Variants in KIAA0825 observed in about 807,000 individuals in gnomAD.
KIAA0825 encodes KIAA0825.
A neutral mutation model predicts 147.6 loss-of-function variants in KIAA0825; 119 were observed. That is an observed-to-expected ratio of 0.81 (90% CI 0.69 to 0.94). The LOEUF is 0.94. Among genes scored for constraint, KIAA0825 ranks in the 40% least tolerant of loss-of-function variants. The probability of loss-of-function intolerance (pLI) is 0.00; values close to 1 mark genes in which losing one functional copy is unlikely to be tolerated. For synonymous variants in KIAA0825, 470 were observed against 518.1 expected, an observed-to-expected ratio of 0.91 and a Z score of 1.26; for missense variants, 1,381 against 1,472.7, an observed-to-expected ratio of 0.94 and a Z score of 1.02.
rs1182108501 is a variant in KIAA0825 at position 94,396,451 on chromosome 5, C to G, written c.2946G>C (p.Val982=). 7.1e-6 allele frequency: 11 copies of G among 1,540,000 alleles called. No homozygotes were observed. In the Admixed American group the frequency reaches 1.6e-4, roughly 23 times the overall value. Residue 982 remains valine (V), a synonymous_variant, in exon 17 of 21, where the codon GTG becomes GTC. Coordinates refer to ENST00000682413, the MANE Select transcript of KIAA0825 (RefSeq NM_001145678.3). The part of the protein sequence containing the change: ...VSIVISKLPT[V]IACLPPPVKY... ...TAACTGGGGGAGGCAAACATGCAAT[C>G]ACCGTAGGTAACTTGCTGATTACAA...
intron 20 of KIAA0825, among the ~76,000 whole-genome samples, chr5:94,206,491 T>C (rs1165774940): frequency 6.6e-6 from 1 of 152,194 alleles, no homozygotes; most frequent in Non-Finnish European, 1.5e-5. Context: ...TTGATTTCTT[T>C]TTGCTGATAC....
At chr5:94,494,281 T>C (rs1433640519) in intron 5 of KIAA0825, among the ~76,000 whole-genome samples, 2 of 151,504 alleles carry the variant, frequency 1.3e-5, no homozygotes, top group Non-Finnish European at 2.9e-5. Context: ...TTCCCAAGGG[T>C]ATAATACTCT....
intron 4 of KIAA0825, among the ~76,000 whole-genome samples, chr5:94,521,222 T>C (rs1156410730): frequency 6.6e-6 from 1 of 151,836 alleles, no homozygotes; most frequent in Non-Finnish European, 1.5e-5. Context: ...ATAAAAACTC[T>C]GGCTTAAAAA....
chr5:94,355,360 T>A lies in KIAA0825; in HGVS notation c.3710+29008A>T, dbSNP rs569430476. 9.1e-4 allele frequency among the ~76,000 whole-genome samples: 138 copies of A among 152,342 alleles called. 3 individuals are homozygous for A. The highest frequency in any genetic ancestry group is 1.1e-3 in the Non-Finnish European group (73 of 68,026). ...CAAAGGACGGCTTTGCAGGACCTTT[T>A]CAAAATACAGCAAAGAAACATGTTT... On this transcript the variant is annotated intron_variant, in intron 20 of 20. Coordinates refer to ENST00000682413, the MANE Select transcript of KIAA0825 (RefSeq NM_001145678.3).
rs139888605 is a variant in KIAA0825 at position 94,363,899 on chromosome 5, C to T, written c.3710+20469G>A. On this transcript the variant is annotated intron_variant, in intron 20 of 20. Coordinates refer to ENST00000682413, the MANE Select transcript of KIAA0825 (RefSeq NM_001145678.3). Reference sequence around the variant, plus strand: ...AAAAATTCAATAAATGAATTAACAACGCCTCTTTCTCTTGGTGATTCTTTC... The same window carrying T: ...AAAAATTCAATAAATGAATTAACAATGCCTCTTTCTCTTGGTGATTCTTTC... 5.2e-3 allele frequency among the ~76,000 whole-genome samples: 789 copies of T among 152,014 alleles called. 5 individuals carry two copies. Among genetic ancestry groups the T allele is most frequent in the Non-Finnish European group, 5.4e-3 (369 of 67,976 alleles).
chr5:94,402,595 T>C (rs1751523465), intron 16 of KIAA0825, among the ~76,000 whole-genome samples: 3 of 151,882 alleles, frequency 2.0e-5, no homozygotes, highest in African/African-American at 7.2e-5. Context: ...AGGATCTCCA[T>C]GGAGAAGAAT....
intron 2 of KIAA0825, among the ~76,000 whole-genome samples, chr5:94,541,354 A>C (rs1773269629): frequency 6.6e-6 from 1 of 152,254 alleles, no homozygotes; most frequent in Non-Finnish European, 1.5e-5. Flanking sequence ...TGTAATTGAG[A>C]CTATTGAAAA....
At chr5:94,417,098 A>G in intron 15 of KIAA0825, 103 bp downstream of exon 15, 1 of 1,093,772 alleles carries the variant, frequency 9.1e-7, no homozygotes, top group Non-Finnish European at 1.3e-6. Flanking sequence ...TTCACCAACA[A>G]CAGATTCAGC....
intron 5 of KIAA0825, among the ~76,000 whole-genome samples, chr5:94,500,739 C>T (rs1447273824): frequency 6.6e-6 from 1 of 152,130 alleles, no homozygotes. Flanking sequence ...CAAAAGAGAT[C>T]TCCGGATACT....
intron 20 of KIAA0825, among the ~76,000 whole-genome samples, chr5:94,166,913 G>A (rs1768102182): frequency 6.6e-6 from 1 of 152,100 alleles, no homozygotes; most frequent in African/African-American, 2.4e-5. Flanking sequence ...TAGTCCCAAA[G>A]CAAAAGCCTT....
chr5:94,176,982 A>G (rs1324788667), intron 20 of KIAA0825, among the ~76,000 whole-genome samples: 1 of 152,164 alleles, frequency 6.6e-6, no homozygotes, highest in Non-Finnish European at 1.5e-5. Context: ...AAAGCACAAC[A>G]GGGAAATTAC....
intron 20 of KIAA0825, among the ~76,000 whole-genome samples, chr5:94,164,016 T>C (rs1767805406): frequency 6.6e-6 from 1 of 152,200 alleles, no homozygotes; most frequent in African/African-American, 2.4e-5. Context: ...TTAGTTTGTA[T>C]TCTATTTAAT....
chr5:94,414,217 C>T (rs1037417108), intron 15 of KIAA0825: 11 of 152,096 alleles, frequency 7.2e-5, no homozygotes, highest in African/African-American at 1.9e-4. Flanking sequence ...ATGCCATTAT[C>T]GAGGAGCCAA....
chr5:94,477,713 C>T (rs752373202), intron 6 of KIAA0825, among the ~76,000 whole-genome samples: 7 of 151,960 alleles, frequency 4.6e-5, no homozygotes, highest in African/African-American at 1.2e-4. Flanking sequence ...AGCATATCAA[C>T]GATTCATTTA....
intron 2 of KIAA0825, among the ~76,000 whole-genome samples, chr5:94,541,373 C>G (rs1773274302): frequency 6.6e-6 from 1 of 152,180 alleles, no homozygotes; most frequent in South Asian, 2.1e-4. Context: ...AAACAGTCTA[C>G]ACGCAAGGCC....
chr5:94,559,080 T>C (rs1418661524), intron 2 of KIAA0825, among the ~76,000 whole-genome samples: 1 of 152,210 alleles, frequency 6.6e-6, no homozygotes, highest in Non-Finnish European at 1.5e-5. Context: ...TTTTCTCTTG[T>C]TAATCTGTCT....
intron 20 of KIAA0825, among the ~76,000 whole-genome samples, chr5:94,347,677 CT>C (rs530039145): frequency 7.4e-4 from 113 of 152,308 alleles, no homozygotes; most frequent in African/African-American, 2.5e-3. Context: ...GACCTTCCCT[CT>C]AAAAGAGCCT....
intron 20 of KIAA0825, among the ~76,000 whole-genome samples, chr5:94,293,565 T>A (rs10067416): frequency 1.3e-5 from 2 of 152,216 alleles, no homozygotes; most frequent in African/African-American, 4.8e-5. Context: ...TATGATGTGG[T>A]GCTGAGAAGA....
chr5:94,413,356 C>T (rs1327135806), intron 15 of KIAA0825: 1 of 152,140 alleles, frequency 6.6e-6, no homozygotes, highest in Admixed American at 6.6e-5. Context: ...GTATTCATAG[C>T]AGCTTTATTC....
Sources: allele counts gnomAD v4.1 joint callset (sites outside exome capture counted in the v4.1 genomes callset), GRCh38; gene constraint gnomAD v4.1.1; transcripts MANE v1.5; gene names NCBI Gene and HGNC (gene_info 2026-07-23, HGNC 2026-07-21).